Variants in STK33 observed in about 807,000 individuals in gnomAD.
STK33 encodes the protein serine/threonine-protein kinase 33.
STK33 carries 52 observed loss-of-function variants against 58.0 expected under a neutral mutation model. The ratio of observed to expected loss-of-function variants is 0.90; its 90% CI spans 0.72 to 1.13. The LOEUF is 1.13. Among genes scored for constraint, STK33 ranks in the 50% most tolerant of loss-of-function variants. STK33 has a pLI of 0.00. For missense variants in STK33, 630 were observed against 604.2 expected, an observed-to-expected ratio of 1.04 and a Z score of -0.45; for synonymous variants, 215 against 200.1, an observed-to-expected ratio of 1.07 and a Z score of -0.63.
chr11:8,476,573 C>T (rs1461697189), intron 4 of STK33, 114 bp downstream of exon 4: 1 of 152,324 alleles, frequency 6.6e-6, no homozygotes, highest in Non-Finnish European at 1.5e-5. Context: ...GGATGCTCTT[C>T]CCTCAAACAT....
intron 1 of STK33, among the ~76,000 whole-genome samples, chr11:8,528,335 C>T (rs963328071): frequency 4.6e-5 from 7 of 152,170 alleles, no homozygotes; most frequent in African/African-American, 1.4e-4. Context: ...ATTCCTGGAA[C>T]TTGTGATACA....
At chr11:8,347,205 G>T in the STK33 span, among the ~76,000 whole-genome samples, 7 of 152,214 alleles carry the variant, frequency 4.6e-5, no homozygotes, top group South Asian at 2.1e-4. Context: ...CTGAATGCAG[G>T]GGGGAGCTCA....
chr11:8,339,947 G>T, the STK33 span, among the ~76,000 whole-genome samples: 7 of 152,302 alleles, frequency 4.6e-5, no homozygotes, highest in African/African-American at 1.4e-4. Flanking sequence ...CCTTCTCCCT[G>T]CCCCTGGTGA....
intron 1 of STK33, among the ~76,000 whole-genome samples, chr11:8,517,314 A>G (rs953005560): frequency 5.3e-5 from 8 of 152,204 alleles, no homozygotes; most frequent in African/African-American, 1.9e-4. Flanking sequence ...GGACATCCAC[A>G]CCAAAACTCC....
intron 1 of STK33, among the ~76,000 whole-genome samples, chr11:8,489,591 A>G (rs1291582169): frequency 1.3e-5 from 2 of 152,164 alleles, no homozygotes; most frequent in Non-Finnish European, 2.9e-5. Context: ...CAGGAGCCCC[A>G]AGGCTGTAAT....
At chr11:8,573,061 T>G (rs1012519475) in intron 1 of STK33, among the ~76,000 whole-genome samples, 5 of 151,498 alleles carry the variant, frequency 3.3e-5, no homozygotes, top group African/African-American at 1.2e-4. Context: ...CAAAGCTCAT[T>G]CAAAACAAAA....
chr11:8,492,141 C>T (rs966744832), intron 1 of STK33, among the ~76,000 whole-genome samples: 2 of 152,144 alleles, frequency 1.3e-5, no homozygotes, highest in African/African-American at 4.8e-5. Flanking sequence ...TTAAAAGACA[C>T]AGACTGGCCA....
At chr11:8,378,404 T>G in the STK33 span, among the ~76,000 whole-genome samples, 65 of 152,094 alleles carry the variant, frequency 4.3e-4, no homozygotes, top group Non-Finnish European at 6.6e-4. Context: ...TGTAATCCCA[T>G]CTACTCGGGA....
intron 14 of STK33, among the ~76,000 whole-genome samples, chr11:8,426,469 C>T (rs1590961234): frequency 6.6e-6 from 1 of 152,178 alleles, no homozygotes; most frequent in East Asian, 1.9e-4. Context: ...TGCCTGTCCT[C>T]ACCTAGGTCT....
chr11:8,572,266 C>G (rs1158804487), intron 1 of STK33, among the ~76,000 whole-genome samples: 1 of 152,002 alleles, frequency 6.6e-6, no homozygotes, highest in Non-Finnish European at 1.5e-5. Flanking sequence ...TTCATCTTGA[C>G]AACAGAGATA....
the STK33 span, among the ~76,000 whole-genome samples, chr11:8,337,453 G>T: frequency 6.6e-6 from 1 of 152,168 alleles, no homozygotes; most frequent in Non-Finnish European, 1.5e-5. Flanking sequence ...GCCGGCCTAG[G>T]GGGCTTCTGC....
At chr11:8,580,117 A>C (rs2029875807) in intron 1 of STK33, among the ~76,000 whole-genome samples, 1 of 152,194 alleles carries the variant, frequency 6.6e-6, no homozygotes, top group Admixed American at 6.5e-5. Flanking sequence ...ACTGTGGGGT[A>C]TATACACAAA....
the STK33 span, among the ~76,000 whole-genome samples, chr11:8,350,944 T>C: frequency 2.0e-5 from 3 of 152,048 alleles, no homozygotes; most frequent in Admixed American, 6.6e-5. Flanking sequence ...AAGAGGGCCC[T>C]GGAACAATGA....
intron 15 of STK33, 95 bp downstream of exon 15, chr11:8,413,400 A>T: frequency 7.3e-7 from 1 of 1,363,616 alleles, no homozygotes; most frequent in Non-Finnish European, 1.0e-6. Context: ...CTTTGTTACA[A>T]ACTAACAACA....
chr11:8,528,718 C>T (rs979925949), intron 1 of STK33, among the ~76,000 whole-genome samples: 3 of 152,214 alleles, frequency 2.0e-5, no homozygotes, highest in African/African-American at 7.2e-5. Flanking sequence ...GGCCATATCC[C>T]TTTGTATCAT....
chr11:8,425,494 TTAAAG>T (rs1194740403), intron 14 of STK33, among the ~76,000 whole-genome samples: 1 of 152,178 alleles, frequency 6.6e-6, no homozygotes, highest in Non-Finnish European at 1.5e-5. Context: ...CATATGAACT[TTAAAG>T]TAGTTTTTTC....
chr11:8,363,193 G>A, the STK33 span, among the ~76,000 whole-genome samples: 1 of 152,154 alleles, frequency 6.6e-6, no homozygotes, highest in African/African-American at 2.4e-5. Flanking sequence ...CTGGGGGCGG[G>A]CGAGGGAAGA....
intron 11 of STK33, among the ~76,000 whole-genome samples, chr11:8,441,251 TA>T (rs1341141468): frequency 6.6e-6 from 1 of 151,972 alleles, no homozygotes; most frequent in Non-Finnish European, 1.5e-5. Flanking sequence ...CATTTTCAAA[TA>T]AGAAAGCCAA....
chr11:8,432,868 T>C (rs1943582886), intron 14 of STK33, among the ~76,000 whole-genome samples: 1 of 152,208 alleles, frequency 6.6e-6, no homozygotes, highest in Non-Finnish European at 1.5e-5. Context: ...TAGTATACAA[T>C]ATCTGTCACT....
Sources: allele counts gnomAD v4.1 joint callset (sites outside exome capture counted in the v4.1 genomes callset), GRCh38; gene constraint gnomAD v4.1.1; transcripts MANE v1.5; gene names NCBI Gene and HGNC (gene_info 2026-07-23, HGNC 2026-07-21).